PLCL1: variants seen among roughly 807,000 people sequenced by gnomAD.
PLCL1 encodes phospholipase C like 1 (inactive).
A neutral mutation model predicts 84.4 loss-of-function variants in PLCL1; 41 were observed. That is an observed-to-expected ratio of 0.49 (90% confidence interval 0.38 to 0.63). The LOEUF is 0.63. Ranked by LOEUF, PLCL1 falls within the 30% of genes least tolerant of loss-of-function variation. The probability of loss-of-function intolerance (pLI) is 0.00; values close to 1 mark genes in which losing one functional copy is unlikely to be tolerated. For missense variants in PLCL1, 1,206 were observed against 1,367.8 expected (o/e 0.88, Z 1.87); for synonymous variants, 490 against 488.3 (o/e 1.00, Z -0.05).
intron 1 of PLCL1, among the ~76,000 whole-genome samples, chr2:197,812,223 A>T (rs996424421): frequency 6.6e-6 from 1 of 152,122 alleles, no homozygotes; most frequent in Non-Finnish European, 1.5e-5. Context: ...CATTGGTGAG[A>T]TGATTCCATG....
intron 1 of PLCL1, among the ~76,000 whole-genome samples, chr2:197,819,182 A>T (rs1690756209): frequency 6.6e-6 from 1 of 152,076 alleles, no homozygotes. Context: ...CCTCGGCTTC[A>T]TTTCATCCTC....
intron 1 of PLCL1, among the ~76,000 whole-genome samples, chr2:197,997,721 C>G (rs77887274): frequency 0.035 from 5,268 of 152,140 alleles, 307 homozygotes; most frequent in African/African-American, 0.12. Flanking sequence ...CCAATCATGA[C>G]CTTTATCTTC....
At chr2:197,862,443 C>G (rs1687448984) in intron 1 of PLCL1, among the ~76,000 whole-genome samples, 1 of 152,006 alleles carries the variant, frequency 6.6e-6, no homozygotes, top group African/African-American at 2.4e-5. Context: ...ATCTATTAGT[C>G]AAGACATTTA....
At chr2:198,103,104 CAGG>C (rs1693383542) in intron 4 of PLCL1, among the ~76,000 whole-genome samples, 1 of 151,868 alleles carries the variant, frequency 6.6e-6, no homozygotes, top group Admixed American at 6.6e-5. Flanking sequence ...ATGTGGGTTC[CAGG>C]ACCTACTATT....
chr2:198,003,808 T>C (rs1189987794), intron 1 of PLCL1, among the ~76,000 whole-genome samples: 9 of 152,340 alleles, frequency 5.9e-5, no homozygotes, highest in Middle Eastern at 3.4e-3. Context: ...ACTTCTGAGC[T>C]GGAGGTGGAA....
intron 1 of PLCL1, among the ~76,000 whole-genome samples, chr2:198,038,793 T>C (rs1408823082): frequency 7.1e-6 from 1 of 140,152 alleles, no homozygotes; most frequent in African/African-American, 2.6e-5. Context: ...TTTTGTTATA[T>C]ACAAACAGAA....
chr2:198,024,279 G>A (rs1691209807), intron 1 of PLCL1, among the ~76,000 whole-genome samples: 1 of 152,088 alleles, frequency 6.6e-6, no homozygotes, highest in African/African-American at 2.4e-5. Context: ...GATAGCATTA[G>A]GAGAAATACC....
chr2:197,968,446 T>C, intron 1 of PLCL1, among the ~76,000 whole-genome samples: 1 of 152,202 alleles, frequency 6.6e-6, no homozygotes. Context: ...CCTTATAAAA[T>C]GATAATAACA....
intron 1 of PLCL1, among the ~76,000 whole-genome samples, chr2:197,986,510 C>G (rs1385062749): frequency 6.6e-6 from 1 of 152,064 alleles, no homozygotes; most frequent in African/African-American, 2.4e-5. Context: ...ACCACAATGC[C>G]TGGTTAATTT....
intron 3 of PLCL1, among the ~76,000 whole-genome samples, chr2:198,098,116 G>A (rs1039357006): frequency 6.6e-6 from 1 of 152,040 alleles, no homozygotes. Flanking sequence ...CCATAGAATC[G>A]AAACCTAGTT....
At chr2:197,970,824 C>T (rs1230085328) in intron 1 of PLCL1, among the ~76,000 whole-genome samples, 1 of 152,182 alleles carries the variant, frequency 6.6e-6, no homozygotes, top group African/African-American at 2.4e-5. Flanking sequence ...CAAACTGTGT[C>T]TCCATTTATA....
At chr2:197,961,264 AGAGC>A (rs1251500235) in intron 1 of PLCL1, among the ~76,000 whole-genome samples, 12 of 139,744 alleles carry the variant, frequency 8.6e-5, no homozygotes, top group Admixed American at 1.4e-4. Flanking sequence ...AGAGAGAGAG[AGAGC>A]GAGCATGCAT....
chr2:197,945,164 C>T (rs529407007), intron 1 of PLCL1, among the ~76,000 whole-genome samples: 8 of 152,258 alleles, frequency 5.3e-5, no homozygotes, highest in East Asian at 3.9e-4. Flanking sequence ...AAATTAGTCA[C>T]GGCAGCTTTG....
At chr2:198,034,592 C>T (rs1691510105) in intron 1 of PLCL1, among the ~76,000 whole-genome samples, 1 of 152,222 alleles carries the variant, frequency 6.6e-6, no homozygotes, top group Admixed American at 6.5e-5. Context: ...TTACAGACTT[C>T]CTGTCCCCTT....
At chr2:197,914,398 C>T (rs187168878) in intron 1 of PLCL1, among the ~76,000 whole-genome samples, 51 of 151,116 alleles carry the variant, frequency 3.4e-4, no homozygotes, top group Admixed American at 1.5e-3. Flanking sequence ...GGCACAATCT[C>T]GGCTCACCTC....
intron 5 of PLCL1, among the ~76,000 whole-genome samples, chr2:198,124,427 A>T (rs908008235): frequency 2.0e-5 from 3 of 152,124 alleles, no homozygotes; most frequent in Non-Finnish European, 4.4e-5. Context: ...GGGCCTGCAT[A>T]AAAAGCTGGG....
At chr2:197,835,564 T>C (rs1691170050) in intron 1 of PLCL1, among the ~76,000 whole-genome samples, 1 of 152,190 alleles carries the variant, frequency 6.6e-6, no homozygotes, top group South Asian at 2.1e-4. Context: ...CCACTATTAA[T>C]AGGAGCAGCA....
Position 198,045,129 on chromosome 2 carries a change from C to T in PLCL1, c.241-38629C>T, listed in dbSNP as rs1165231289. 3.3e-5 allele frequency among the ~76,000 whole-genome samples: 5 copies of T among 152,248 alleles called. 1 individual carries two copies. The highest frequency in any genetic ancestry group is 6.8e-3 in the Middle Eastern group (2 of 294). Reference sequence around the variant, plus strand: ...TATTCTTTTCAGGATTAACTCTAAGCGTAGAACATTTTAGTTTTATACCTT... The same window carrying T: ...TATTCTTTTCAGGATTAACTCTAAGTGTAGAACATTTTAGTTTTATACCTT... On this transcript the variant is annotated intron_variant, in intron 1 of 5. Transcript: ENST00000428675.
At chr2:197,939,325 C>A (rs935231379) in intron 1 of PLCL1, among the ~76,000 whole-genome samples, 2 of 152,136 alleles carry the variant, frequency 1.3e-5, no homozygotes, top group African/African-American at 4.8e-5. Context: ...TTAAAAAGCC[C>A]AGATCCAGGG....
Sources: gnomAD v4.1 joint callset for allele counts (sites outside exome capture counted in the v4.1 genomes callset) on GRCh38, gnomAD v4.1.1 for gene constraint, MANE v1.5 for transcripts, NCBI Gene and HGNC (gene_info 2026-07-23, HGNC 2026-07-21) for gene names.